The following CPPED1 variants were observed in gnomAD, a reference collection of about 807,000 sequenced individuals.
CPPED1 encodes the protein calcineurin like phosphoesterase domain containing 1.
In CPPED1, 28 loss-of-function variants were observed where a neutral mutation model predicts 28.0. The ratio of observed to expected loss-of-function variants is 1.00; its 90% CI spans 0.74 to 1.37. The LOEUF (loss-of-function observed/expected upper bound fraction) is 1.37. Among genes scored for constraint, CPPED1 ranks in the 40% most tolerant of loss-of-function variants. The pLI is 0.00. For missense variants in CPPED1, 504 were observed against 416.5 expected (o/e 1.21, Z -1.83); for synonymous variants, 198 against 180.2 (o/e 1.10, Z -0.79).
At chr16:12,691,268 T>G (rs1034155438) in intron 3 of CPPED1, among the ~76,000 whole-genome samples, 5 of 152,202 alleles carry the variant, frequency 3.3e-5, no homozygotes, top group African/African-American at 1.2e-4. Context: ...ACTAGTATAG[T>G]GTCCTGTGTG....
intron 2 of CPPED1, among the ~76,000 whole-genome samples, chr16:12,737,678 G>A (rs1034828773): frequency 6.6e-6 from 1 of 152,224 alleles, no homozygotes; most frequent in Admixed American, 6.5e-5. Context: ...AGAATTCTAG[G>A]AACTGTGTGA....
chr16:12,676,075 C>A (rs544367497), intron 3 of CPPED1, among the ~76,000 whole-genome samples: 2 of 152,246 alleles, frequency 1.3e-5, no homozygotes, highest in South Asian at 4.1e-4. Context: ...CACTTTTCGT[C>A]GTCAATTGGG....
At chr16:12,691,731 A>G (rs899983284) in intron 3 of CPPED1, among the ~76,000 whole-genome samples, 2 of 146,680 alleles carry the variant, frequency 1.4e-5, no homozygotes, top group Admixed American at 7.1e-5. Context: ...CAAACACCGC[A>G]TGTTCTCACT....
chr16:12,778,413 A>G (rs187351805), intron 2 of CPPED1, among the ~76,000 whole-genome samples: 58 of 150,626 alleles, frequency 3.9e-4, no homozygotes, highest in Non-Finnish European at 6.6e-4. Context: ...AGTAGCTGGG[A>G]TCACAGGTGT....
chr16:12,798,373 T>C (rs2080639634), intron 1 of CPPED1, among the ~76,000 whole-genome samples: 2 of 152,212 alleles, frequency 1.3e-5, no homozygotes, highest in African/African-American at 4.8e-5. Flanking sequence ...ATTTATTTCA[T>C]CATCATCATC....
chr16:12,803,652 G>A, intron 1 of CPPED1, 55 bp downstream of exon 1: 1 of 1,361,976 alleles, frequency 7.3e-7, no homozygotes, highest in Non-Finnish European at 9.6e-7. Context: ...AGGTTCCCCC[G>A]GCGGAAGGTT....
At chr16:12,787,008 A>C (rs1207090834) in intron 1 of CPPED1, among the ~76,000 whole-genome samples, 2 of 152,228 alleles carry the variant, frequency 1.3e-5, no homozygotes, top group African/African-American at 4.8e-5. Context: ...ACCAAGTATG[A>C]GTATATAGCA....
chr16:12,761,808 C>T (rs975943644), intron 2 of CPPED1, among the ~76,000 whole-genome samples: 5 of 152,064 alleles, frequency 3.3e-5, no homozygotes, highest in African/African-American at 7.2e-5. Context: ...ATCAGGAGTT[C>T]GAGACCAGCT....
intron 3 of CPPED1, among the ~76,000 whole-genome samples, chr16:12,693,005 G>C (rs2079971405): frequency 6.6e-6 from 1 of 152,204 alleles, no homozygotes; most frequent in Non-Finnish European, 1.5e-5. Context: ...ACAGAAGGGA[G>C]ACGTGTGAGG....
intron 3 of CPPED1, among the ~76,000 whole-genome samples, chr16:12,673,471 A>T (rs2079862726): frequency 6.6e-6 from 1 of 152,264 alleles, no homozygotes; most frequent in Non-Finnish European, 1.5e-5. Context: ...AGAAGCTTGC[A>T]TTAGCCATAA....
At chr16:12,792,770 G>C (rs981263614) in intron 1 of CPPED1, among the ~76,000 whole-genome samples, 22 of 152,094 alleles carry the variant, frequency 1.4e-4, no homozygotes, top group African/African-American at 5.3e-4. Flanking sequence ...ACGCTCTCTT[G>C]CCTGCCACCA....
rs1363058357 is a variant in CPPED1, at chr16:12,682,405, G to A, written c.716-17290C>T. The stretch of plus-strand genomic sequence containing the variant: ...TTTTTCCCCTTCCTGATGACTTACA[G>A]ATTCAAAACCTGTAGAATATGCAAG... On this transcript the variant is annotated intron_variant, in intron 3 of 3. Transcript: ENST00000381774. This position sits in a 1 kb window ranked among gnomAD's most constrained non-coding sequence, Gnocchi z 6.1. 6.6e-6 allele frequency among the ~76,000 whole-genome samples: 1 copy of A among 152,124 alleles called. No individual in the cohort carries two copies. The highest frequency in any genetic ancestry group is 2.4e-5 in the African/African-American group (1 of 41,410).
Position 12,799,442 on chromosome 16 carries a change from C to T in CPPED1, c.70+4265G>A, listed in dbSNP as rs185775168. On this transcript the variant is annotated intron_variant, in intron 1 of 3. Coordinates refer to ENST00000381774, the MANE Select transcript of CPPED1 (RefSeq NM_018340.3). Reference sequence around the variant, plus strand: ...TTTAATTTTAGTAGAGATGGGGTTTCGCCATGTTGGCCAGACTGGTCTTAA... The same window carrying T: ...TTTAATTTTAGTAGAGATGGGGTTTTGCCATGTTGGCCAGACTGGTCTTAA... Among the ~76,000 whole-genome samples the T allele has an allele frequency of 1.1e-3, 167 of 152,208 alleles. 1 individual carries two copies. The highest frequency in any genetic ancestry group is 6.8e-3 in the Middle Eastern group (2 of 294).
intron 1 of CPPED1, 76 bp from the exon 2 acceptor site, chr16:12,781,479 A>C: frequency 7.8e-7 from 1 of 1,277,636 alleles, no homozygotes. Context: ...TTCCCATGCA[A>C]AGTGGATACA....
rs2079909956 is a variant in CPPED1, at chr16:12,682,415, C to T, written c.716-17300G>A. ...TCCTGATGACTTACAGATTCAAAACCTGTAGAATATGCAAGAGGAGGGCTG... is the reference window on the plus strand; with the variant it reads ...TCCTGATGACTTACAGATTCAAAACTTGTAGAATATGCAAGAGGAGGGCTG... On this transcript the variant is annotated intron_variant, in intron 3 of 3. Coordinates refer to ENST00000381774, the MANE Select transcript of CPPED1 (RefSeq NM_018340.3). This position sits in a 1 kb window ranked among gnomAD's most constrained non-coding sequence, Gnocchi z 6.1. 1.3e-5 allele frequency among the ~76,000 whole-genome samples: 2 copies of T among 152,096 alleles called. No homozygotes were observed. Among genetic ancestry groups the T allele is most frequent in the South Asian group, 4.1e-4 (2 of 4,822 alleles).
intron 1 of CPPED1, among the ~76,000 whole-genome samples, chr16:12,791,343 G>A (rs1008802868): frequency 2.6e-5 from 4 of 152,044 alleles, no homozygotes; most frequent in African/African-American, 9.7e-5. Context: ...GTGTTAGTTT[G>A]CTGAGAATGA....
chr16:12,665,136 C>T lies in CPPED1; in HGVS notation c.716-21G>A, dbSNP rs574493816. 4.4e-6 allele frequency: 7 copies of T among 1,583,666 alleles called. No individual in the cohort carries two copies. The Admixed American group carries it at 9.9e-5, about 22-fold the overall frequency. On this transcript the variant is annotated intron_variant, in intron 3 of 3. Coordinates refer to ENST00000381774, the MANE Select transcript of CPPED1 (RefSeq NM_018340.3). ...GACACCTGCAGAGAAGGGAAAAAGT[C>T]ATTAGGGGGCCGAGGACTTCCATTA...
chr16:12,743,398 A>G (rs2080266508), intron 2 of CPPED1, among the ~76,000 whole-genome samples: 1 of 152,244 alleles, frequency 6.6e-6, no homozygotes, highest in South Asian at 2.1e-4. Context: ...ACAGTAGACT[A>G]TCTTTATGAC....
intron 2 of CPPED1, among the ~76,000 whole-genome samples, chr16:12,768,359 G>A (rs1461466250): frequency 6.6e-6 from 1 of 152,174 alleles, no homozygotes; most frequent in Non-Finnish European, 1.5e-5. Context: ...GAAAGATTAT[G>A]CTTTTTATTT....
Sources: allele counts gnomAD v4.1 joint callset (sites outside exome capture counted in the v4.1 genomes callset), GRCh38; gene constraint gnomAD v4.1.1; non-coding constraint Gnocchi (gnomAD v3.1); transcripts MANE v1.5; gene names NCBI Gene and HGNC (gene_info 2026-07-23, HGNC 2026-07-21).